COLEC11: variants seen among roughly 807,000 people sequenced by gnomAD.
COLEC11 encodes collectin subfamily member 11, also known as collectin-11.
COLEC11 carries 20 observed loss-of-function variants against 27.3 expected under a neutral mutation model. The observed-to-expected ratio is 0.73, with a 90% CI of 0.51 to 1.06. The LOEUF (loss-of-function observed/expected upper bound fraction) is 1.06, where lower values mean the gene tolerates loss of function less well. Ranked by LOEUF, COLEC11 falls within the 50% of genes least tolerant of loss-of-function variation. The pLI is 0.00. For missense variants in COLEC11, 310 were observed against 383.0 expected (o/e 0.81, Z 1.59); for synonymous variants, 163 against 154.7 (o/e 1.05, Z -0.40).
Position 3,637,549 on chromosome 2 carries a change from AG to A in COLEC11, c.221del (p.Gly74AspfsTer27), listed in dbSNP as rs777009764. ...TGEKGDMGDKGQKGSVGRHGK... is the reference protein window; with the variant it reads ...TGEKGDMGDKXQKGSVGRHGK... Reference sequence around the variant, plus strand: ...TTTCTACAGGAGACATGGGGGACAAAGGACAGAAAGGCAGTGTGGGTCGTCA... The same window carrying A: ...TTTCTACAGGAGACATGGGGGACAAAGACAGAAAGGCAGTGTGGGTCGTCA... On this transcript the variant is annotated frameshift_variant, in exon 4 of 7. Transcript: ENST00000349077. LOFTEE classifies it high-confidence loss of function. The A allele has an allele frequency of 6.2e-7, 1 of 1,614,154 alleles. No individual in the cohort carries two copies. Among genetic ancestry groups the A allele is most frequent in the Non-Finnish European group, 8.5e-7 (1 of 1,179,998 alleles).
chr2:3,600,304 C>T (rs1325331047), intron 1 of COLEC11, among the ~76,000 whole-genome samples: 2 of 151,808 alleles, frequency 1.3e-5, no homozygotes, highest in Non-Finnish European at 2.9e-5. Flanking sequence ...CCTGTAGTCC[C>T]AGCAGCTTGG....
At chr2:3,632,435 G>T (rs11689396) in intron 3 of COLEC11, among the ~76,000 whole-genome samples, 46,198 of 152,038 alleles carry the variant, frequency 0.3, 9,981 homozygotes, top group African/African-American at 0.61. Flanking sequence ...CAGGGCTGCT[G>T]CTCCTGAGGC....
At chr2:3,600,416 A>T (rs1192468607) in intron 1 of COLEC11, among the ~76,000 whole-genome samples, 1 of 152,036 alleles carries the variant, frequency 6.6e-6, no homozygotes, top group African/African-American at 2.4e-5. Context: ...TTGCCCAGAC[A>T]TGGTGGTACA....
intron 3 of COLEC11, among the ~76,000 whole-genome samples, chr2:3,626,578 C>T (rs942613237): frequency 2.6e-5 from 4 of 152,206 alleles, no homozygotes; most frequent in African/African-American, 9.7e-5. Flanking sequence ...AGTCTGAGCC[C>T]TGGTGCTTTT....
chr2:3,625,644 T>TTTTTTG (rs1664498153), intron 3 of COLEC11, among the ~76,000 whole-genome samples: 1 of 147,040 alleles, frequency 6.8e-6, no homozygotes, highest in Non-Finnish European at 1.5e-5. Context: ...TTTTTTTTTT[T>TTTTTTG]GAGACAGAGT....
intron 4 of COLEC11, 82 bp from the exon 5 acceptor site, chr2:3,640,196 C>G: frequency 1.1e-6 from 1 of 876,650 alleles, no homozygotes; most frequent in East Asian, 2.4e-5. Flanking sequence ...CGAGACAAAT[C>G]ACATTTTCAG....
chr2:3,621,028 C>T (rs1664148077), intron 3 of COLEC11, among the ~76,000 whole-genome samples: 1 of 152,210 alleles, frequency 6.6e-6, no homozygotes, highest in African/African-American at 2.4e-5. Context: ...GGAATGTTCT[C>T]TGTTAGCTCC....
chr2:3,626,083 G>T, intron 3 of COLEC11: 1 of 1,613,802 alleles, frequency 6.2e-7, no homozygotes. Flanking sequence ...TGTAGAAATG[G>T]GATCACAGGG....
chr2:3,640,307 C>A lies in COLEC11; in HGVS notation c.304C>A (p.Pro102Thr). 2 of 1,599,908 alleles carry A rather than the reference C, an allele frequency of 1.3e-6. No homozygotes were observed. The highest frequency in any genetic ancestry group is 1.7e-6 in the Non-Finnish European group (2 of 1,167,246). ...GAAAGGAGATTCCGGTGACATAGGACCCCCTGGTCCTAATGGAGAACCAGG... is the reference window on the plus strand; with the variant it reads ...GAAAGGAGATTCCGGTGACATAGGAACCCCTGGTCCTAATGGAGAACCAGG... ...GEKGDSGDIG[P>T]PGPNGEPGLP... Residue 102 changes from proline (P) to threonine (T), a missense_variant, in exon 5 of 7, where the codon CCC becomes ACC. Coordinates refer to ENST00000349077, the MANE Select transcript of COLEC11 (RefSeq NM_024027.5).
chr2:3,642,909 C>T (rs558517816), intron 5 of COLEC11, among the ~76,000 whole-genome samples: 31 of 152,332 alleles, frequency 2.0e-4, no homozygotes, highest in Non-Finnish European at 7.3e-5. Flanking sequence ...CAGCTCTGCC[C>T]TGGCCCCCAC....
At chr2:3,604,254 A>G (rs1485591052) in intron 1 of COLEC11, 61 bp from the exon 2 acceptor site, 82 of 1,593,566 alleles carry the variant, frequency 5.1e-5, no homozygotes, top group Non-Finnish European at 6.8e-5. Flanking sequence ...AGGCCTGCTC[A>G]CTGTCACTGG....
intron 2 of COLEC11, chr2:3,604,946 G>GA (rs998697550): frequency 4.4e-3 from 1,580 of 359,096 alleles, no homozygotes; most frequent in South Asian, 7.5e-3. Flanking sequence ...GTGGTTAGGG[G>GA]AAAAAAAAAA....
chr2:3,626,738 G>C (rs895816236), intron 3 of COLEC11, among the ~76,000 whole-genome samples: 1 of 152,232 alleles, frequency 6.6e-6, no homozygotes, highest in Admixed American at 6.5e-5. Flanking sequence ...GTCAAAGAGA[G>C]AATGGAATAT....
intron 1 of COLEC11, among the ~76,000 whole-genome samples, chr2:3,598,533 C>A (rs1010317192): frequency 6.6e-6 from 1 of 152,344 alleles, no homozygotes; most frequent in Admixed American, 6.5e-5. Context: ...AGATCACTTG[C>A]ATGTGGACCC....
At chr2:3,630,659 G>C (rs997717228) in intron 3 of COLEC11, among the ~76,000 whole-genome samples, 1 of 152,238 alleles carries the variant, frequency 6.6e-6, no homozygotes, top group African/African-American at 2.4e-5. Context: ...GAATGAGCAG[G>C]AGCATTGTTG....
At chr2:3,614,782 C>T (rs140885359) in intron 3 of COLEC11, among the ~76,000 whole-genome samples, 2,210 of 151,926 alleles carry the variant, frequency 0.015, 19 homozygotes, top group Middle Eastern at 0.058. Context: ...GCAAAGTAAA[C>T]GAAAAAAAGT....
Position 3,617,704 on chromosome 2 carries a change from C to T in COLEC11, c.202+4322C>T, listed in dbSNP as rs557162898. On this transcript the variant is annotated intron_variant, in intron 3 of 6. Coordinates refer to ENST00000349077, the MANE Select transcript of COLEC11 (RefSeq NM_024027.5). ...ACATGGTTGTGGAGGAAAAGCGGAG[C>T]GAGGCGTGCGAGAACGAGAGAAGTC... The T allele has an allele frequency of 7.8e-5, 125 of 1,593,158 alleles. No homozygotes were observed. The African/African-American group carries it at 9.0e-4, about 11-fold the overall frequency.
At position 3,630,197 on chromosome 2, in the gene COLEC11, AGTAT is replaced by A. The variant is rs1358823552; in HGVS notation, c.203-7329_203-7326del. Among the ~76,000 whole-genome samples, 6 of 152,296 alleles carry A rather than the reference AGTAT, an allele frequency of 3.9e-5. No individual in the cohort carries two copies. In the East Asian group the frequency reaches 9.6e-4, roughly 24 times the overall value. On this transcript the variant is annotated intron_variant, in intron 3 of 6. Transcript: ENST00000349077. ...GATGTCTGTGCATGCATATGTGTAT[AGTAT>A]GTATGTGTGCATATGTATGTGTATG...
intron 1 of COLEC11, among the ~76,000 whole-genome samples, chr2:3,598,108 G>T (rs1190981960): frequency 2.0e-5 from 3 of 151,918 alleles, no homozygotes; most frequent in Middle Eastern, 3.2e-3. Flanking sequence ...GCTAATTTTT[G>T]TATTTTTAGT....
Sources: gnomAD v4.1 joint callset for allele counts (sites outside exome capture counted in the v4.1 genomes callset) on GRCh38, gnomAD v4.1.1 for gene constraint, MANE v1.5 for transcripts, NCBI Gene and HGNC (gene_info 2026-07-23, HGNC 2026-07-21) for gene names.